Variants in C1orf141 observed in about 807,000 individuals in gnomAD.
C1orf141 encodes the protein uncharacterized protein C1orf141.
C1orf141 carries 19 observed loss-of-function variants against 23.2 expected under a neutral mutation model. The observed-to-expected ratio is 0.82, with a 90% CI of 0.57 to 1.20. The LOEUF (loss-of-function observed/expected upper bound fraction) is 1.20. C1orf141 is among the 50% of genes most tolerant of loss of function. C1orf141 has a pLI of 0.00. For synonymous variants in C1orf141, 153 were observed against 154.6 expected (o/e 0.99, Z 0.08); for missense variants, 469 against 455.1 (o/e 1.03, Z -0.28).
intron 2 of C1orf141, among the ~76,000 whole-genome samples, chr1:67,130,185 T>A (rs1558207786): frequency 1.3e-5 from 2 of 151,836 alleles, no homozygotes; most frequent in Non-Finnish European, 2.9e-5. Flanking sequence ...CTCCGAGGAG[T>A]TTTAGCTTTT....
chr1:67,093,578 A>T lies in C1orf141; in HGVS notation c.630T>A (p.Ile210=), dbSNP rs1001803208. ...HMEQKDTNPI[I]FHDTEYVRML... Reference sequence around the variant, plus strand: ...TTCGTACATATTCTGTGTCATGGAAAATTATGGGATTTGTGTCCTTTTGTT... The same window carrying T: ...TTCGTACATATTCTGTGTCATGGAATATTATGGGATTTGTGTCCTTTTGTT... Residue 210 remains isoleucine (I), a synonymous_variant, in exon 8 of 8, where the codon ATT becomes ATA. Coordinates refer to ENST00000684719, the MANE Select transcript of C1orf141 (RefSeq NM_001276351.2). The T allele has an allele frequency of 2.5e-6, 4 of 1,572,102 alleles. No homozygotes were observed. Among genetic ancestry groups the T allele is most frequent in the Non-Finnish European group, 3.4e-6 (4 of 1,160,530 alleles).
At chr1:67,135,752 G>T (rs960877655), upstream of C1orf141, among the ~76,000 whole-genome samples, 1 of 151,716 alleles carries the variant, frequency 6.6e-6, no homozygotes, top group Non-Finnish European at 1.5e-5. Context: ...TTAAGTCAGG[G>T]GTTGTTCATC....
At chr1:67,131,602 T>C (rs868587518) in intron 1 of C1orf141, among the ~76,000 whole-genome samples, 5 of 152,026 alleles carry the variant, frequency 3.3e-5, no homozygotes, top group South Asian at 2.1e-4. Context: ...CCCACCTTTC[T>C]AGTTTATTCC....
chr1:67,129,350 G>A (rs1282849498), intron 2 of C1orf141, among the ~76,000 whole-genome samples: 1 of 152,132 alleles, frequency 6.6e-6, no homozygotes, highest in Non-Finnish European at 1.5e-5. Flanking sequence ...CAGCTGCTGG[G>A]GAGGCTGAGG....
chr1:67,095,222 A>G lies in C1orf141; in HGVS notation c.603+13T>C. The stretch of plus-strand genomic sequence containing the variant: ...ACACATATTTACTTAACAATAGATG[A>G]TATGCTTATTACCATGTGAGAAGTT... On this transcript the variant is annotated intron_variant, in intron 7 of 7. Coordinates refer to ENST00000684719, the MANE Select transcript of C1orf141 (RefSeq NM_001276351.2). 1.4e-6 allele frequency: 2 copies of G among 1,435,348 alleles called. No homozygotes were observed. The highest frequency in any genetic ancestry group is 1.8e-4 in the Middle Eastern group (1 of 5,592). The allele number at this position is 1,435,348 out of a possible 1,614,324, so 88.9% of individuals were successfully genotyped here. A position where few individuals can be genotyped will look rare whatever the true frequency, so the allele number is the denominator to read the frequency against.
At chr1:67,121,250 G>C (rs931515823) in intron 4 of C1orf141, among the ~76,000 whole-genome samples, 3 of 152,116 alleles carry the variant, frequency 2.0e-5, no homozygotes, top group Non-Finnish European at 4.4e-5. Flanking sequence ...CCAAATAATA[G>C]TTTTTGAATA....
Position 67,117,049 on chromosome 1 carries a change from C to T in C1orf141, c.234-1585G>A, listed in dbSNP as rs570038034. Among the ~76,000 whole-genome samples, 13 of 152,254 alleles carry T rather than the reference C, an allele frequency of 8.5e-5. No homozygotes were observed. In the South Asian group the frequency reaches 2.7e-3, roughly 32 times the overall value. ...TCCTAGATTGTAAACTCTGAGGGCACACTATTTATGTGTTTTATTCACTGT... is the reference window on the plus strand; with the variant it reads ...TCCTAGATTGTAAACTCTGAGGGCATACTATTTATGTGTTTTATTCACTGT... On this transcript the variant is annotated intron_variant, in intron 4 of 7. Transcript: ENST00000684719.
chr1:67,111,659 A>T (rs766356683), intron 5 of C1orf141: 2 of 1,249,724 alleles, frequency 1.6e-6, no homozygotes, highest in Non-Finnish European at 1.1e-6. Flanking sequence ...AGAAACAAAC[A>T]TAAGTATTTC....
At chr1:67,129,090 G>A (rs1416140056) in intron 2 of C1orf141, among the ~76,000 whole-genome samples, 1 of 152,000 alleles carries the variant, frequency 6.6e-6, no homozygotes, top group Non-Finnish European at 1.5e-5. Context: ...TCCCATCCCA[G>A]CATGCCCTCT....
At chr1:67,126,001 T>TACACAA in intron 3 of C1orf141, 92 bp from the exon 4 acceptor site, 1 of 1,182,940 alleles carries the variant, frequency 8.5e-7, no homozygotes, top group South Asian at 1.8e-5. Flanking sequence ...AATCTCACTT[T>TACACAA]ACACACACAC....
At chr1:67,098,687 C>T (rs751428949) in intron 5 of C1orf141, among the ~76,000 whole-genome samples, 7 of 151,970 alleles carry the variant, frequency 4.6e-5, no homozygotes, top group South Asian at 2.1e-4. Flanking sequence ...TATTAGCATG[C>T]GTCATAGTTT....
At chr1:67,139,677 C>A (rs1471777006), upstream of C1orf141, among the ~76,000 whole-genome samples, 1 of 152,142 alleles carries the variant, frequency 6.6e-6, no homozygotes, top group African/African-American at 2.4e-5. Flanking sequence ...CTTTAATCTC[C>A]AGTGTGGCAG....
upstream of C1orf141, among the ~76,000 whole-genome samples, chr1:67,139,611 T>C (rs1646616127): frequency 6.6e-6 from 1 of 152,250 alleles, no homozygotes; most frequent in Non-Finnish European, 1.5e-5. Context: ...AACATATTCA[T>C]TTGTATAGCA....
At chr1:67,097,486 G>T (rs912887561) in intron 5 of C1orf141, among the ~76,000 whole-genome samples, 3 of 152,244 alleles carry the variant, frequency 2.0e-5, no homozygotes, top group African/African-American at 7.2e-5. Flanking sequence ...AAAGAGGCCA[G>T]TGTTGCTTGG....
upstream of C1orf141, among the ~76,000 whole-genome samples, chr1:67,138,282 C>T (rs140707596): frequency 1.3e-5 from 2 of 152,290 alleles, no homozygotes; most frequent in Non-Finnish European, 2.9e-5. Context: ...TCCCTTCTGC[C>T]CATTACTTCT....
chr1:67,129,142 T>C (rs1646472954), intron 2 of C1orf141, among the ~76,000 whole-genome samples: 1 of 152,080 alleles, frequency 6.6e-6, no homozygotes, highest in African/African-American at 2.4e-5. Context: ...TCACACGATG[T>C]AGTCCAGTGT....
chr1:67,109,990 C>T (rs1646030118), intron 5 of C1orf141, among the ~76,000 whole-genome samples: 1 of 151,850 alleles, frequency 6.6e-6, no homozygotes, highest in Non-Finnish European at 1.5e-5. Flanking sequence ...AAGCACATTA[C>T]TTTGTTCGGT....
At chr1:67,139,946 G>C (rs1646620532), upstream of C1orf141, among the ~76,000 whole-genome samples, 1 of 152,070 alleles carries the variant, frequency 6.6e-6, no homozygotes, top group Non-Finnish European at 1.5e-5. Flanking sequence ...GAGTGGGATT[G>C]GTGGTTTTAT....
At chr1:67,117,090 A>G (rs1168061750) in intron 4 of C1orf141, among the ~76,000 whole-genome samples, 2 of 152,140 alleles carry the variant, frequency 1.3e-5, no homozygotes, top group Non-Finnish European at 2.9e-5. Flanking sequence ...TTTAGCACCT[A>G]TAGCATGACT....
Sources: gnomAD v4.1 joint callset for allele counts (sites outside exome capture counted in the v4.1 genomes callset) on GRCh38, gnomAD v4.1.1 for gene constraint, MANE v1.5 for transcripts, NCBI Gene and HGNC (gene_info 2026-07-23, HGNC 2026-07-21) for gene names.